Variants in PTPRK observed in about 807,000 individuals in gnomAD.
PTPRK encodes protein tyrosine phosphatase receptor type K.
PTPRK carries 75 observed loss-of-function variants against 178.0 expected under a neutral mutation model. That is an observed-to-expected ratio of 0.42 (90% CI 0.35 to 0.51). The LOEUF (loss-of-function observed/expected upper bound fraction) is 0.51, where lower values mean the gene tolerates loss of function less well. Ranked by LOEUF, PTPRK falls within the 20% of genes least tolerant of loss-of-function variation. The probability of loss-of-function intolerance (pLI) is 0.02; values close to 1 mark genes in which losing one functional copy is unlikely to be tolerated. For missense variants in PTPRK, 1,441 were observed against 1,797.8 expected (o/e 0.80, Z 3.59); for synonymous variants, 637 against 620.6 (o/e 1.03, Z -0.39).
Position 128,023,835 on chromosome 6 carries a change from CTTTT to C in PTPRK, c.2195-14571_2195-14568del, listed in dbSNP as rs79086877. Among the ~76,000 whole-genome samples, 218 of 141,256 alleles carry C rather than the reference CTTTT, an allele frequency of 1.5e-3. 1 individual carries two copies. Among genetic ancestry groups the C allele is most frequent in the African/African-American group, 5.4e-3 (211 of 39,368 alleles). 92.7% of individuals were successfully genotyped at this position (141,256 alleles called of 152,430 possible). A position where few individuals can be genotyped will look rare whatever the true frequency, so the allele number is the denominator to read the frequency against. ...TGCCTGGCTAATGTTTTCTTTCTTT[CTTTT>C]TTTTTTTTTTGGTAGAGGTGAGGTG... On this transcript the variant is annotated intron_variant, in intron 13 of 29. Coordinates refer to ENST00000368226, the MANE Select transcript of PTPRK (RefSeq NM_002844.4).
chr6:128,068,180 C>T (rs1782163940), intron 11 of PTPRK, among the ~76,000 whole-genome samples: 1 of 152,146 alleles, frequency 6.6e-6, no homozygotes, highest in Non-Finnish European at 1.5e-5. Context: ...AATGATATTA[C>T]AGAAAGTCCA....
At chr6:127,977,446 C>T (rs1023152497) in intron 25 of PTPRK, among the ~76,000 whole-genome samples, 3 of 152,148 alleles carry the variant, frequency 2.0e-5, no homozygotes, top group Non-Finnish European at 4.4e-5. Flanking sequence ...AGGCTGAAGG[C>T]AAAGTAAGCA....
At chr6:128,106,315 G>C (rs986901668) in intron 7 of PTPRK, among the ~76,000 whole-genome samples, 5 of 151,864 alleles carry the variant, frequency 3.3e-5, no homozygotes, top group Non-Finnish European at 7.4e-5. Flanking sequence ...TTTTGTTGTT[G>C]TTTCTTTTTC....
In PTPRK at chr6:128,361,558, T is replaced by A. The variant is rs141983061; in HGVS notation, c.223+36008A>T. Among the ~76,000 whole-genome samples, 719 of 152,258 alleles carry A rather than the reference T, an allele frequency of 4.7e-3. 9 individuals are homozygous for A. Among genetic ancestry groups the A allele is most frequent in the African/African-American group, 0.017 (693 of 41,564 alleles). ...TCATAGGGTGTTAATTACATAAGCATCATTGAGTGTTACTCACACAAACCT... is the reference window on the plus strand; with the variant it reads ...TCATAGGGTGTTAATTACATAAGCAACATTGAGTGTTACTCACACAAACCT... On this transcript the variant is annotated intron_variant, in intron 2 of 29. Coordinates refer to ENST00000368226, the MANE Select transcript of PTPRK (RefSeq NM_002844.4).
intron 2 of PTPRK, among the ~76,000 whole-genome samples, chr6:128,364,844 T>C (rs141027769): frequency 6.6e-6 from 1 of 152,138 alleles, no homozygotes; most frequent in Non-Finnish European, 1.5e-5. Flanking sequence ...ATGAAGTCTT[T>C]AATATTGTGA....
intron 1 of PTPRK, among the ~76,000 whole-genome samples, chr6:128,440,821 A>C (rs1366010918): frequency 1.3e-5 from 2 of 152,124 alleles, no homozygotes; most frequent in African/African-American, 4.8e-5. Context: ...CAATTGATTT[A>C]AGTAGTTCCA....
chr6:128,517,292 A>T (rs1160779115), intron 1 of PTPRK, among the ~76,000 whole-genome samples: 1 of 152,182 alleles, frequency 6.6e-6, no homozygotes, highest in Non-Finnish European at 1.5e-5. Flanking sequence ...GGAAAGGTCA[A>T]GTTGGGTATT....
chr6:128,214,628 G>A (rs1396276018), intron 6 of PTPRK, among the ~76,000 whole-genome samples: 1 of 151,890 alleles, frequency 6.6e-6, no homozygotes, highest in Admixed American at 6.6e-5. Flanking sequence ...GACCAAGGAA[G>A]CATGTAGTCA....
intron 1 of PTPRK, among the ~76,000 whole-genome samples, chr6:128,432,524 A>G (rs116270099): frequency 0.014 from 2,173 of 152,312 alleles, 54 homozygotes; most frequent in African/African-American, 0.049. Context: ...CCCTTTACAA[A>G]CCATTAAGAT....
intron 3 of PTPRK, among the ~76,000 whole-genome samples, chr6:128,304,741 C>A (rs1010939207): frequency 6.6e-6 from 1 of 152,166 alleles, no homozygotes. Context: ...TTCAGTAGAA[C>A]GCTAAATTCC....
chr6:128,212,174 A>G (rs1404580667), intron 6 of PTPRK, among the ~76,000 whole-genome samples: 2 of 152,054 alleles, frequency 1.3e-5, no homozygotes, highest in Non-Finnish European at 2.9e-5. Flanking sequence ...ATACTCAATA[A>G]TTCTACATTT....
At position 128,435,838 on chromosome 6, in the gene PTPRK, T is replaced by C. The variant is rs563552435; in HGVS notation, c.101-38150A>G. On this transcript the variant is annotated intron_variant, in intron 1 of 29. Transcript: ENST00000368226. ...CAATGAAAGTAAGTTGTTGTGTGCT[T>C]TCTAGTCATCAAAAGTGTTCTAATA... Among the ~76,000 whole-genome samples the C allele has an allele frequency of 2.8e-3, 431 of 152,284 alleles. 3 individuals carry two copies. The highest frequency in any genetic ancestry group is 9.7e-3 in the African/African-American group (402 of 41,558).
At position 128,107,321 on chromosome 6, in the gene PTPRK, T is replaced by A. The variant is rs533187234; in HGVS notation, c.1163-17329A>T. On this transcript the variant is annotated intron_variant, in intron 7 of 29. Coordinates refer to ENST00000368226, the MANE Select transcript of PTPRK (RefSeq NM_002844.4). ...AGTATGACAGTTTCACCTTTTCCTT[T>A]TCTTCTTTTACATGCTTTGAGAACA... is the stretch of plus-strand genomic sequence containing the variant. Among the ~76,000 whole-genome samples, 33 of 152,262 alleles carry A rather than the reference T, an allele frequency of 2.2e-4. 1 individual carries two copies. The highest frequency in any genetic ancestry group is 7.7e-4 in the African/African-American group (32 of 41,562).
chr6:128,125,212 TG>T (rs1793143182), intron 7 of PTPRK, among the ~76,000 whole-genome samples: 1 of 152,210 alleles, frequency 6.6e-6, no homozygotes, highest in African/African-American at 2.4e-5. Flanking sequence ...CCAAATCTCA[TG>T]TTAAATGGTA....
chr6:128,224,250 T>C (rs1039495518), intron 5 of PTPRK, among the ~76,000 whole-genome samples: 6 of 152,196 alleles, frequency 3.9e-5, no homozygotes, highest in African/African-American at 1.4e-4. Context: ...CAGGCTTCTG[T>C]ATTTATTTTG....
At chr6:128,185,257 G>A (rs1345930278) in intron 6 of PTPRK, among the ~76,000 whole-genome samples, 1 of 152,012 alleles carries the variant, frequency 6.6e-6, no homozygotes, top group Non-Finnish European at 1.5e-5. Context: ...TTACACCTAG[G>A]CACAATCACA....
intron 15 of PTPRK, 24 bp from the exon 16 acceptor site, chr6:127,998,928 G>T: frequency 6.7e-7 from 1 of 1,492,008 alleles, no homozygotes; most frequent in Non-Finnish European, 9.0e-7. Flanking sequence ...GATTTCAGAA[G>T]ATTAAAAAAG....
chr6:128,344,603 C>A (rs1832151231), intron 2 of PTPRK, among the ~76,000 whole-genome samples: 1 of 152,034 alleles, frequency 6.6e-6, no homozygotes, highest in South Asian at 2.1e-4. Flanking sequence ...GCAGCCCTGA[C>A]CTCCCAGGTT....
At chr6:128,518,000 G>A (rs1174487531) in intron 1 of PTPRK, among the ~76,000 whole-genome samples, 3 of 151,888 alleles carry the variant, frequency 2.0e-5, no homozygotes, top group Non-Finnish European at 4.4e-5. Context: ...AGAATTTTAT[G>A]ACAATAAAAT....
Sources: allele counts gnomAD v4.1 joint callset (sites outside exome capture counted in the v4.1 genomes callset), GRCh38; gene constraint gnomAD v4.1.1; transcripts MANE v1.5; gene names NCBI Gene and HGNC (gene_info 2026-07-23, HGNC 2026-07-21).